MACF1: variants seen among roughly 807,000 people sequenced by gnomAD.
The protein encoded by MACF1 is microtubule-actin cross-linking factor 1.
Under a neutral mutation model 854.8 loss-of-function variants are expected in MACF1, and 193 were observed. The observed-to-expected ratio is 0.23, with a 90% CI of 0.20 to 0.25. The LOEUF (loss-of-function observed/expected upper bound fraction) is 0.25, where lower values mean the gene tolerates loss of function less well. Ranked by LOEUF, MACF1 falls within the 10% of genes least tolerant of loss-of-function variation. The probability of loss-of-function intolerance (pLI) is 1.00; values close to 1 mark genes in which losing one functional copy is unlikely to be tolerated. For synonymous variants in MACF1, 3,185 were observed against 3,226.7 expected (o/e 0.99, Z 0.44); for missense variants, 7,722 against 8,929.1 (o/e 0.86, Z 5.45).
intron 58 of MACF1, chr1:39,410,055 C>A (rs1460656696): frequency 2.4e-5 from 11 of 456,968 alleles, no homozygotes; most frequent in Non-Finnish European, 4.2e-5. Flanking sequence ...AACCATGAGG[C>A]TGCTAGCCTG....
chr1:39,462,091 C>G, intron 93 of MACF1, 54 bp downstream of exon 93: 1 of 1,577,614 alleles, frequency 6.3e-7, no homozygotes, highest in Non-Finnish European at 8.7e-7. Context: ...TTTGTAATAT[C>G]CTGAATTTGG....
chr1:39,200,883 T>C (rs1272313485), upstream of MACF1, among the ~76,000 whole-genome samples: 4 of 152,168 alleles, frequency 2.6e-5, no homozygotes, highest in African/African-American at 9.7e-5. Context: ...GAGACCAGCC[T>C]GGGCAACATG....
intron 21 of MACF1, among the ~76,000 whole-genome samples, 193 bp downstream of exon 21, chr1:39,297,938 T>C (rs1315324429): frequency 6.6e-6 from 1 of 152,216 alleles, no homozygotes; most frequent in African/African-American, 2.4e-5. Flanking sequence ...CTTAAATAAG[T>C]TGCTAATAAG....
At chr1:39,127,662 TC>T (rs1642893721) in intron 2 of MACF1, among the ~76,000 whole-genome samples, 2 of 152,186 alleles carry the variant, frequency 1.3e-5, no homozygotes, top group African/African-American at 4.8e-5. Flanking sequence ...AGTCTCCTTT[TC>T]TCTAAAAACT....
At chr1:39,309,199 G>A (rs1463128096) in intron 23 of MACF1, among the ~76,000 whole-genome samples, 1 of 151,300 alleles carries the variant, frequency 6.6e-6, no homozygotes, top group Non-Finnish European at 1.5e-5. Flanking sequence ...ATGTGCTAAC[G>A]TTAATATGCA....
At chr1:39,263,689 T>A (rs1645191381) in intron 6 of MACF1, among the ~76,000 whole-genome samples, 1 of 152,086 alleles carries the variant, frequency 6.6e-6, no homozygotes, top group Admixed American at 6.5e-5. Context: ...TCATAAACAA[T>A]ATGTACTGTT....
intron 2 of MACF1, among the ~76,000 whole-genome samples, chr1:39,088,159 A>G (rs1008819139): frequency 6.6e-6 from 1 of 152,010 alleles, no homozygotes; most frequent in Non-Finnish European, 1.5e-5. Context: ...TTTTTAGTAG[A>G]GACGGGGTTT....
At chr1:39,462,611 A>G (rs576537775) in intron 93 of MACF1, among the ~76,000 whole-genome samples, 27 of 151,434 alleles carry the variant, frequency 1.8e-4, no homozygotes, top group Non-Finnish European at 3.5e-4. Flanking sequence ...GCTACTCAGG[A>G]GACTGAGGTG....
intron 6 of MACF1, among the ~76,000 whole-genome samples, chr1:39,269,981 A>C (rs1437034922): frequency 6.6e-6 from 1 of 152,170 alleles, no homozygotes; most frequent in Non-Finnish European, 1.5e-5. Flanking sequence ...TGGTGGGATG[A>C]TCTCTCAAGG....
intron 97 of MACF1, among the ~76,000 whole-genome samples, chr1:39,477,139 C>CACACAT (rs1644921718): frequency 9.2e-6 from 1 of 108,548 alleles, no homozygotes; most frequent in Non-Finnish European, 2.2e-5. Context: ...TATATATACA[C>CACACAT]ACACACACAC....
At position 39,485,893 on chromosome 1, in the gene MACF1, T is replaced by C. The variant is rs1240438006; in HGVS notation, c.*99T>C. 2.4e-6 allele frequency: 3 copies of C among 1,258,372 alleles called. No individual in the cohort carries two copies. In the African/African-American group the frequency reaches 4.6e-5, roughly 19 times the overall value. The allele number at this position is 1,258,372 out of a possible 1,614,324, so 78.0% of individuals were successfully genotyped here. On this transcript the variant is annotated 3_prime_UTR_variant, in exon 101 of 101. Coordinates refer to ENST00000564288, the MANE Select transcript of MACF1 (RefSeq NM_001394062.1). ...ACGGGAGAAGTTATATTGTTAAAAG[T>C]GTAAAAGAATAATTGTGTTATGAAG...
intron 2 of MACF1, among the ~76,000 whole-genome samples, chr1:39,087,929 T>C (rs1261124353): frequency 1.3e-5 from 2 of 150,994 alleles, no homozygotes; most frequent in Non-Finnish European, 3.0e-5. Context: ...TGTGCCACCA[T>C]GCCCAGCTAA....
At chr1:39,444,931 G>C (rs924459859) in intron 80 of MACF1, 96 bp downstream of exon 80, 1 of 1,157,276 alleles carries the variant, frequency 8.6e-7, no homozygotes, top group Non-Finnish European at 1.2e-6. Flanking sequence ...TGAAGACCAG[G>C]GTATTGTAAC....
chr1:39,284,283 T>A, intron 10 of MACF1, 50 bp from the exon 11 acceptor site: 5 of 1,564,042 alleles, frequency 3.2e-6, no homozygotes, highest in Non-Finnish European at 4.3e-6. Context: ...GTATGAAAAA[T>A]TGGGTCCTAT....
chr1:39,137,931 G>A (rs77789426), intron 2 of MACF1, among the ~76,000 whole-genome samples: 4,087 of 151,868 alleles, frequency 0.027, 171 homozygotes, highest in African/African-American at 0.093. Context: ...GAAATTAGCC[G>A]GGCATGGTAG....
At chr1:39,134,342 G>A (rs906646193) in intron 2 of MACF1, among the ~76,000 whole-genome samples, 1 of 151,930 alleles carries the variant, frequency 6.6e-6, no homozygotes, top group African/African-American at 2.4e-5. Context: ...TACCGCACCC[G>A]GCCAGAAGAA....
intron 2 of MACF1, among the ~76,000 whole-genome samples, chr1:39,111,428 G>T (rs898875014): frequency 7.9e-5 from 12 of 151,976 alleles, no homozygotes; most frequent in African/African-American, 2.9e-4. Flanking sequence ...TGTCACCCAG[G>T]CTGGAGTGCA....
chr1:39,391,179 C>T (rs1306490076), intron 58 of MACF1, among the ~76,000 whole-genome samples: 1 of 150,968 alleles, frequency 6.6e-6, no homozygotes, highest in Non-Finnish European at 1.5e-5. Context: ...TTATTTTAAA[C>T]TCAATTTGCC....
intron 97 of MACF1, among the ~76,000 whole-genome samples, chr1:39,477,641 G>A (rs867890539): frequency 6.6e-6 from 1 of 152,034 alleles, no homozygotes; most frequent in Admixed American, 6.6e-5. Flanking sequence ...TGGAGACAGC[G>A]AATGTAGGTG....
Sources: allele counts gnomAD v4.1 joint callset (sites outside exome capture counted in the v4.1 genomes callset), GRCh38; gene constraint gnomAD v4.1.1; transcripts MANE v1.5; gene names NCBI Gene and HGNC (gene_info 2026-07-23, HGNC 2026-07-21).